Variants in CAMK1D observed in about 807,000 individuals in gnomAD.
CAMK1D encodes calcium/calmodulin dependent protein kinase ID.
Under a neutral mutation model 47.7 loss-of-function variants are expected in CAMK1D, and 9 were observed. The ratio of observed to expected loss-of-function variants is 0.19; its 90% CI spans 0.11 to 0.33. CAMK1D has a LOEUF of 0.33. Among genes scored for constraint, CAMK1D ranks in the 10% least tolerant of loss-of-function variants. The probability of loss-of-function intolerance (pLI) is 1.00; values close to 1 mark genes in which losing one functional copy is unlikely to be tolerated. For synonymous variants in CAMK1D, 184 were observed against 184.9 expected (o/e 0.99, Z 0.04); for missense variants, 291 against 488.7 (o/e 0.60, Z 3.81).
chr10:12,681,377 C>A (rs916085452), intron 3 of CAMK1D, among the ~76,000 whole-genome samples: 2 of 152,278 alleles, frequency 1.3e-5, no homozygotes, highest in African/African-American at 2.4e-5. Context: ...CACTCTCCTG[C>A]TGGCATGGTT....
chr10:12,702,976 C>A (rs571332196), intron 3 of CAMK1D, among the ~76,000 whole-genome samples: 1 of 152,174 alleles, frequency 6.6e-6, no homozygotes, highest in African/African-American at 2.4e-5. Context: ...ATCATACAGT[C>A]CCCATTACAG....
intron 1 of CAMK1D, among the ~76,000 whole-genome samples, chr10:12,365,969 T>C (rs1453577560): frequency 6.6e-6 from 1 of 152,164 alleles, no homozygotes; most frequent in Non-Finnish European, 1.5e-5. Context: ...GGTGGGAGAA[T>C]CCCTGGAACC....
intron 2 of CAMK1D, among the ~76,000 whole-genome samples, chr10:12,616,056 TTTA>T (rs1247881492): frequency 6.6e-6 from 1 of 151,470 alleles, no homozygotes; most frequent in African/African-American, 2.4e-5. Flanking sequence ...CACGTGTTGG[TTTA>T]TGATAGGCGT....
intron 2 of CAMK1D, among the ~76,000 whole-genome samples, chr10:12,626,590 C>T (rs1839223067): frequency 6.6e-6 from 1 of 151,490 alleles, no homozygotes; most frequent in South Asian, 2.1e-4. Flanking sequence ...TCTTCTGCCT[C>T]AGCCTCCTAA....
chr10:12,694,522 A>G (rs1588806766), intron 3 of CAMK1D, among the ~76,000 whole-genome samples: 1 of 117,586 alleles, frequency 8.5e-6, no homozygotes, highest in Non-Finnish European at 1.6e-5. Context: ...TAAAATATAT[A>G]TGATATATAT....
chr10:12,551,202 G>A (rs745863133), intron 1 of CAMK1D, among the ~76,000 whole-genome samples: 7 of 152,184 alleles, frequency 4.6e-5, no homozygotes, highest in South Asian at 2.1e-4. Context: ...TCACGTTACC[G>A]CCTGAGCTCT....
chr10:12,649,665 T>C (rs1220732173), intron 2 of CAMK1D, among the ~76,000 whole-genome samples: 2 of 152,156 alleles, frequency 1.3e-5, no homozygotes, highest in Non-Finnish European at 2.9e-5. Flanking sequence ...CCCCCTTTTC[T>C]TTAGAAACAA....
At chr10:12,575,282 G>C (rs900671670) in intron 2 of CAMK1D, among the ~76,000 whole-genome samples, 11 of 151,984 alleles carry the variant, frequency 7.2e-5, no homozygotes, top group South Asian at 4.2e-4. Context: ...TAGTAGAGAT[G>C]GGGTTTCACC....
intron 1 of CAMK1D, among the ~76,000 whole-genome samples, chr10:12,496,363 G>GGA (rs1276269777): frequency 1.3e-5 from 2 of 152,176 alleles, no homozygotes; most frequent in Non-Finnish European, 2.9e-5. Flanking sequence ...GGTCGTTGTG[G>GGA]CTCTTCATGG....
intron 2 of CAMK1D, among the ~76,000 whole-genome samples, chr10:12,640,532 A>C (rs1433340808): frequency 1.3e-5 from 2 of 152,228 alleles, no homozygotes; most frequent in Admixed American, 1.3e-4. Context: ...TATTGAACAA[A>C]TAACAGCTAT....
At chr10:12,450,528 T>C (rs1040815794) in intron 1 of CAMK1D, among the ~76,000 whole-genome samples, 1 of 152,204 alleles carries the variant, frequency 6.6e-6, no homozygotes. Flanking sequence ...GTTAAGAGAA[T>C]AAATAGGGAT....
chr10:12,472,897 G>A (rs1833791005), intron 1 of CAMK1D, among the ~76,000 whole-genome samples: 1 of 152,202 alleles, frequency 6.6e-6, no homozygotes, highest in African/African-American at 2.4e-5. Context: ...AGGGATGAGT[G>A]GCTCAGTTCT....
At chr10:12,701,472 G>A (rs139717583) in intron 3 of CAMK1D, among the ~76,000 whole-genome samples, 41 of 152,298 alleles carry the variant, frequency 2.7e-4, no homozygotes, top group Middle Eastern at 3.4e-3. Flanking sequence ...AGTATGGGCT[G>A]GCCTGGGGAT....
intron 2 of CAMK1D, among the ~76,000 whole-genome samples, chr10:12,588,787 T>C (rs545124675): frequency 8.1e-4 from 122 of 149,834 alleles, no homozygotes; most frequent in Middle Eastern, 3.5e-3. Flanking sequence ...TGTATATATA[T>C]ATACACACAC....
intron 3 of CAMK1D, among the ~76,000 whole-genome samples, chr10:12,705,781 G>A (rs143839389): frequency 1.3e-5 from 2 of 152,210 alleles, no homozygotes; most frequent in South Asian, 2.1e-4. Flanking sequence ...TGGATGGTTC[G>A]TGCTAGTCTA....
chr10:12,792,958 GCGCACACA>G (rs58333919), intron 6 of CAMK1D, among the ~76,000 whole-genome samples: 62,412 of 147,258 alleles, frequency 0.42, 13,128 homozygotes, highest in East Asian at 0.55. Context: ...ACATGTGTGC[GCGCACACA>G]CACACACACA....
chr10:12,789,889 T>C (rs1837902999), intron 5 of CAMK1D, among the ~76,000 whole-genome samples: 1 of 152,268 alleles, frequency 6.6e-6, no homozygotes, highest in African/African-American at 2.4e-5. Context: ...TCAGATATGT[T>C]TGGGGGCAAA....
chr10:12,732,674 C>CCCCCCCCCG (rs535511821), intron 3 of CAMK1D, among the ~76,000 whole-genome samples: 7 of 141,258 alleles, frequency 5.0e-5, no homozygotes, highest in African/African-American at 1.9e-4. Flanking sequence ...ACCCCCGCCC[C>CCCCCCCCCG]CCCCGCCCCC....
At chr10:12,635,985 A>C (rs554718034) in intron 2 of CAMK1D, among the ~76,000 whole-genome samples, 18 of 152,348 alleles carry the variant, frequency 1.2e-4, no homozygotes, top group African/African-American at 4.3e-4. Context: ...AGGTTTCTTC[A>C]TCTAGACATT....
Sources: allele counts gnomAD v4.1 joint callset (sites outside exome capture counted in the v4.1 genomes callset), GRCh38; gene constraint gnomAD v4.1.1; transcripts MANE v1.5; gene names NCBI Gene and HGNC (gene_info 2026-07-23, HGNC 2026-07-21).